Variants in B3GALT1 observed in about 807,000 individuals in gnomAD.
B3GALT1 encodes the protein beta-1,3-galactosyltransferase 1.
In B3GALT1, 10 loss-of-function variants were observed where a neutral mutation model predicts 23.2. The ratio of observed to expected loss-of-function variants is 0.43; its 90% CI spans 0.27 to 0.73. The LOEUF (loss-of-function observed/expected upper bound fraction) is 0.73. Among genes scored for constraint, B3GALT1 ranks in the 30% least tolerant of loss-of-function variants. B3GALT1 has a pLI of 0.21. For missense variants in B3GALT1, 299 were observed against 405.4 expected (o/e 0.74, Z 2.25); for synonymous variants, 156 against 141.5 (o/e 1.10, Z -0.73).
At chr2:167,548,233 G>A (rs547354583) in intron 2 of B3GALT1, among the ~76,000 whole-genome samples, 68 of 152,254 alleles carry the variant, frequency 4.5e-4, no homozygotes, top group African/African-American at 1.6e-3. Context: ...CCTTCTTCCT[G>A]CCTCTTTCTT....
intron 1 of B3GALT1, among the ~76,000 whole-genome samples, chr2:167,439,836 T>C (rs1351150700): frequency 6.6e-6 from 1 of 152,052 alleles, no homozygotes. Flanking sequence ...ATTTTTTTTT[T>C]TTACAGTTTC....
At chr2:167,722,065 A>T (rs1364122682) in intron 3 of B3GALT1, among the ~76,000 whole-genome samples, 1 of 152,208 alleles carries the variant, frequency 6.6e-6, no homozygotes, top group African/African-American at 2.4e-5. Context: ...TTGTTGAAGA[A>T]ATTTATTCTG....
intron 3 of B3GALT1, among the ~76,000 whole-genome samples, chr2:167,720,751 C>A (rs1243248122): frequency 6.6e-6 from 1 of 152,170 alleles, no homozygotes; most frequent in Non-Finnish European, 1.5e-5. Context: ...AGAGAAAATA[C>A]CCCTGCTACA....
rs557231049 is a variant in B3GALT1, at chr2:167,606,257, A to G, written c.-409-40652A>G. ...TTCAATTATGTCCAGTTCTGGCCTG[A>G]GCAAATATACTTAATTGAAAGAAAC... is the stretch of plus-strand genomic sequence containing the variant. On this transcript the variant is annotated intron_variant, in intron 2 of 4. Transcript: ENST00000392690. Among the ~76,000 whole-genome samples, 488 of 152,288 alleles carry G rather than the reference A, an allele frequency of 3.2e-3. 2 individuals are homozygous for G. The highest frequency in any genetic ancestry group is 0.011 in the African/African-American group (468 of 41,562).
intron 1 of B3GALT1, among the ~76,000 whole-genome samples, chr2:167,467,801 G>A (rs1699370115): frequency 6.6e-6 from 1 of 152,154 alleles, no homozygotes; most frequent in Admixed American, 6.5e-5. Context: ...AGAGTACATA[G>A]TGTGAGATTA....
intron 1 of B3GALT1, among the ~76,000 whole-genome samples, chr2:167,364,163 C>CAAAAAAAAAAAAAAAAAAAAAAAAAAA (rs34314925): frequency 1.6e-5 from 1 of 63,152 alleles, no homozygotes; most frequent in Non-Finnish European, 3.1e-5. Context: ...GACTCCATCT[C>CAAAAAAAAAAAAAAAAAAAAAAAAAAA]AAAAAAAAAA....
intron 1 of B3GALT1, among the ~76,000 whole-genome samples, chr2:167,469,539 T>C (rs1699395253): frequency 6.6e-6 from 1 of 152,224 alleles, no homozygotes; most frequent in Non-Finnish European, 1.5e-5. Context: ...ACTTAAGTAG[T>C]ACATGTTAAC....
chr2:167,792,418 A>C (rs1197146368), intron 3 of B3GALT1, among the ~76,000 whole-genome samples: 1 of 152,234 alleles, frequency 6.6e-6, no homozygotes, highest in Non-Finnish European at 1.5e-5. Flanking sequence ...GGATATTTTG[A>C]TACAAGTACT....
chr2:167,359,312 T>TA (rs1697464062), intron 1 of B3GALT1, among the ~76,000 whole-genome samples: 1 of 152,184 alleles, frequency 6.6e-6, no homozygotes, highest in South Asian at 2.1e-4. Context: ...CTGAATCTAA[T>TA]ATGTGTTTAA....
intron 1 of B3GALT1, among the ~76,000 whole-genome samples, chr2:167,342,504 C>T (rs916056369): frequency 6.6e-6 from 1 of 151,334 alleles, no homozygotes; most frequent in Non-Finnish European, 1.5e-5. Flanking sequence ...GCAGGAGAAT[C>T]GCTTGAATTC....
intron 4 of B3GALT1, among the ~76,000 whole-genome samples, chr2:167,848,111 A>C (rs1201007409): frequency 6.6e-6 from 1 of 150,410 alleles, no homozygotes; most frequent in African/African-American, 2.5e-5. Context: ...TATTACCAAC[A>C]AAAAAAAGGT....
At chr2:167,485,986 A>G (rs1310649093) in intron 1 of B3GALT1, among the ~76,000 whole-genome samples, 1 of 152,236 alleles carries the variant, frequency 6.6e-6, no homozygotes, top group African/African-American at 2.4e-5. Context: ...ATGAAAAACC[A>G]TTAGAAATTA....
chr2:167,315,010 T>C (rs1696690590), intron 1 of B3GALT1, among the ~76,000 whole-genome samples: 1 of 152,178 alleles, frequency 6.6e-6, no homozygotes, highest in African/African-American at 2.4e-5. Flanking sequence ...GTTTAATAAA[T>C]TATCTCTTAA....
At chr2:167,837,971 A>G (rs1459449048) in intron 4 of B3GALT1, among the ~76,000 whole-genome samples, 1 of 152,124 alleles carries the variant, frequency 6.6e-6, no homozygotes, top group African/African-American at 2.4e-5. Flanking sequence ...ATGTTCTTTG[A>G]AACCAATGAG....
chr2:167,512,877 C>T (rs979610266), intron 2 of B3GALT1, among the ~76,000 whole-genome samples: 31 of 148,324 alleles, frequency 2.1e-4, no homozygotes, highest in Non-Finnish European at 3.9e-4. Context: ...CTTATGAGCT[C>T]GTGTGATCTG....
chr2:167,293,996 C>T lies in B3GALT1; in HGVS notation c.-511+662C>T, dbSNP rs534427519. On this transcript the variant is annotated intron_variant, in intron 1 of 4. Transcript: ENST00000392690. ...GTGGCGACTTTTAGGTGTCTGAAGC[C>T]CCGCGTGGGAGGCTTGCTACACTTT... 7.2e-5 allele frequency among the ~76,000 whole-genome samples: 11 copies of T among 152,212 alleles called. No individual in the cohort carries two copies. The East Asian group carries it at 2.1e-3, about 29-fold the overall frequency.
chr2:167,437,927 G>A (rs1167908875), intron 1 of B3GALT1, among the ~76,000 whole-genome samples: 2 of 152,132 alleles, frequency 1.3e-5, no homozygotes, highest in African/African-American at 4.8e-5. Context: ...GTCTGTTAAG[G>A]TAGACCCATT....
chr2:167,507,774 T>C (rs1360767155), intron 2 of B3GALT1, among the ~76,000 whole-genome samples: 7 of 152,180 alleles, frequency 4.6e-5, no homozygotes, highest in Admixed American at 2.0e-4. Context: ...CTTAACATTG[T>C]AAGACAAACC....
chr2:167,797,544 G>A (rs1688563893), intron 3 of B3GALT1, among the ~76,000 whole-genome samples: 1 of 152,134 alleles, frequency 6.6e-6, no homozygotes, highest in Non-Finnish European at 1.5e-5. Context: ...GATCTTTGAG[G>A]AACTGCCACA....
Sources: gnomAD v4.1 joint callset for allele counts (sites outside exome capture counted in the v4.1 genomes callset) on GRCh38, gnomAD v4.1.1 for gene constraint, MANE v1.5 for transcripts, NCBI Gene and HGNC (gene_info 2026-07-23, HGNC 2026-07-21) for gene names.